Variants in COL5A3 observed in about 807,000 individuals in gnomAD.
COL5A3 encodes the protein collagen type V alpha 3 chain.
Under a neutral mutation model 250.0 loss-of-function variants are expected in COL5A3, and 172 were observed. The observed-to-expected ratio is 0.69, with a 90% CI of 0.61 to 0.78. COL5A3 has a LOEUF of 0.78. Among genes scored for constraint, COL5A3 ranks in the 30% least tolerant of loss-of-function variants. COL5A3 has a pLI of 0.00. For missense variants in COL5A3, 2,340 were observed against 2,334.4 expected, an observed-to-expected ratio of 1.00 and a Z score of -0.05; for synonymous variants, 937 against 900.4, an observed-to-expected ratio of 1.04 and a Z score of -0.73.
Position 10,009,662 on chromosome 19 carries a change from TG to T in COL5A3, c.88+635del, listed in dbSNP as rs1407978475. 1.7e-4 allele frequency among the ~76,000 whole-genome samples: 26 copies of T among 151,854 alleles called. No homozygotes were observed. Among genetic ancestry groups the T allele is most frequent in the African/African-American group, 6.1e-4 (25 of 41,296 alleles). On this transcript the variant is annotated intron_variant, in intron 1 of 66. Transcript: ENST00000264828. The surrounding 1 kb of genome is among the most constrained non-coding windows in gnomAD (Gnocchi z 4.4). ...GGGAGGAGATGGGCGCTCGCCAATT[TG>T]GGGCAGAGGAGGAAAAGGGAGAATG... is the stretch of plus-strand genomic sequence containing the variant.
At chr19:9,995,950 A>G in intron 15 of COL5A3, 116 bp downstream of exon 15, 1 of 1,047,126 alleles carries the variant, frequency 9.5e-7, no homozygotes, top group Non-Finnish European at 1.4e-6. Context: ...TAGGAAAGTC[A>G]TCAATTGCAA....
chr19:10,000,257 C>A (rs1402117358), intron 8 of COL5A3, among the ~76,000 whole-genome samples: 2 of 152,020 alleles, frequency 1.3e-5, no homozygotes, highest in East Asian at 3.9e-4. Flanking sequence ...ATCAAGCCAC[C>A]GAGCTTGGGT....
chr19:9,992,986 GCA>G, intron 20 of COL5A3, 35 bp downstream of exon 20: 3 of 1,611,468 alleles, frequency 1.9e-6, no homozygotes, highest in Non-Finnish European at 2.5e-6. Flanking sequence ...TCCCTCCCCT[GCA>G]CCAAGCAAGG....
chr19:9,987,875 C>A (rs966834543), intron 27 of COL5A3, among the ~76,000 whole-genome samples: 1 of 151,846 alleles, frequency 6.6e-6, no homozygotes, highest in Non-Finnish European at 1.5e-5. Context: ...TTCAAGGCTG[C>A]AGTGAGCCAT....
intron 8 of COL5A3, among the ~76,000 whole-genome samples, chr19:9,999,138 TCCTTCCTTCC>T (rs1362355021): frequency 2.9e-5 from 2 of 69,584 alleles, no homozygotes; most frequent in East Asian, 9.2e-4. Context: ...CTCTCTTTTT[TCCTTCCTTCC>T]TTCCTTCCTT....
At position 10,009,161 on chromosome 19, in the gene COL5A3, G is replaced by GGTTGTGTGT. The variant is rs570427193; in HGVS notation, c.88+1136_88+1137insACACACAAC. Among the ~76,000 whole-genome samples, 32 of 140,434 alleles carry GGTTGTGTGT rather than the reference G, an allele frequency of 2.3e-4. No individual in the cohort carries two copies. The highest frequency in any genetic ancestry group is 1.7e-3 in the South Asian group (7 of 4,198). 92.1% of individuals were successfully genotyped at this position (140,434 alleles called of 152,430 possible). On this transcript the variant is annotated intron_variant, in intron 1 of 66. Coordinates refer to ENST00000264828, the MANE Select transcript of COL5A3 (RefSeq NM_015719.4). This position sits in a 1 kb window ranked among gnomAD's most constrained non-coding sequence, Gnocchi z 4.4. Reference sequence around the variant, plus strand: ...GACTCCAAAGTAAGAAGTGTGCTGTGGTGTGTGTGTGTGTGTGTGTGTGTG... The same window carrying GGTTGTGTGT: ...GACTCCAAAGTAAGAAGTGTGCTGTGGTTGTGTGTGTGTGTGTGTGTGTGTGTGTGTGTG...
intron 45 of COL5A3, among the ~76,000 whole-genome samples, 171 bp downstream of exon 45, chr19:9,976,387 T>TTGGGATTGACTCCGATTC (rs148599933): frequency 0.024 from 3,716 of 151,950 alleles, 119 homozygotes; most frequent in East Asian, 0.13. Flanking sequence ...CATGGTTGGG[T>TTGGGATTGACTCCGATTC]TGGGATTGAC....
intron 8 of COL5A3, 104 bp from the exon 9 acceptor site, chr19:9,998,253 C>T (rs3745596): frequency 0.34 from 380,774 of 1,127,482 alleles, 66,515 homozygotes; most frequent in Non-Finnish European, 0.37. Context: ...CACACACACA[C>T]ACACGGAGTC....
intron 24 of COL5A3, 60 bp downstream of exon 24, chr19:9,991,550 G>C: frequency 2.8e-6 from 4 of 1,424,780 alleles, no homozygotes; most frequent in Non-Finnish European, 1.9e-6. Flanking sequence ...AGATTTTCCT[G>C]GCAACAGAGT....
Position 9,960,438 on chromosome 19 carries a change from T to C in COL5A3, c.5211A>G (p.Glu1737=). 6.2e-7 allele frequency: 1 copy of C among 1,614,194 alleles called. No individual in the cohort carries two copies. The highest frequency in any genetic ancestry group is 1.1e-5 in the South Asian group (1 of 91,084). ...AGCTGCTGAAGCAGACGGGGCCCAG[T>C]TCAAACCCAAACTTTTGGTTCGTCT... ...FGQTNQKFGF[E]LGPVCFSS Residue 1737 remains glutamate (E), a synonymous_variant, in exon 67 of 67, where the codon GAA becomes GAG. Coordinates refer to ENST00000264828, the MANE Select transcript of COL5A3 (RefSeq NM_015719.4).
intron 27 of COL5A3, among the ~76,000 whole-genome samples, chr19:9,988,863 GT>G (rs1389204195): frequency 2.3e-4 from 24 of 102,276 alleles, no homozygotes; most frequent in Admixed American, 4.9e-4. Flanking sequence ...AAAAAAGAAA[GT>G]AAAGAAAAGA....
At chr19:9,998,219 A>G in intron 8 of COL5A3, 70 bp from the exon 9 acceptor site, 1 of 1,422,144 alleles carries the variant, frequency 7.0e-7, no homozygotes, top group African/African-American at 1.5e-5. Flanking sequence ...CAGTTATCTG[A>G]TCACACACAC....
intron 44 of COL5A3, among the ~76,000 whole-genome samples, 186 bp downstream of exon 44, chr19:9,977,043 G>C (rs2086931836): frequency 1.3e-5 from 2 of 152,048 alleles, no homozygotes; most frequent in South Asian, 4.1e-4. Flanking sequence ...CTGCAGTTGG[G>C]TTCTGTGGAC....
In COL5A3 at chr19:9,979,234, C is replaced by T. The variant is rs1555736659; in HGVS notation, c.2772G>A (p.Lys924=). The change falls in exon 39 of 67, where the codon AAG becomes AAA. Residue 924 remains lysine, a synonymous_variant. Transcript: ENST00000264828. The part of the protein sequence containing the change: ...GPAGVLGPQG[K]TGEVGPLGER... ...CACCTAGAGGTCCCACTTCTCCTGT[C>T]TTTCCCTGGTGAGGAAGAAGGCTCC... 1.9e-6 allele frequency: 3 copies of T among 1,608,206 alleles called. No individual in the cohort carries two copies. In the East Asian group the frequency reaches 6.7e-5, roughly 36 times the overall value.
At chr19:9,978,828 C>T (rs918356778) in intron 40 of COL5A3, 63 bp downstream of exon 40, 37 of 1,193,734 alleles carry the variant, frequency 3.1e-5, no homozygotes, top group Middle Eastern at 2.1e-4. Context: ...CCCATCCCTC[C>T]CCTGACCCCC....
At position 9,960,178 on chromosome 19, in the gene COL5A3, C is replaced by T. The variant is rs1170909459; in HGVS notation, c.*233G>A. ...GGTGGGGAGGGAGGGGAGAAAGAGC[C>T]AGACTGCAGTATGCCACCTGGAATG... On this transcript the variant is annotated 3_prime_UTR_variant, in exon 67 of 67. Coordinates refer to ENST00000264828, the MANE Select transcript of COL5A3 (RefSeq NM_015719.4). 3.5e-6 allele frequency: 2 copies of T among 574,678 alleles called. No individual in the cohort carries two copies. The highest frequency in any genetic ancestry group is 1.9e-5 in the African/African-American group (1 of 53,284). The allele number at this position is 574,678 out of a possible 1,614,324, so 35.6% of individuals were successfully genotyped here.
At chr19:10,007,919 T>TTCTC (rs141005538) in intron 1 of COL5A3, among the ~76,000 whole-genome samples, 1 of 149,728 alleles carries the variant, frequency 6.7e-6, no homozygotes, top group Non-Finnish European at 1.5e-5. Context: ...CCAAGTCTCT[T>TTCTC]TCTCTCTCTC....
intron 8 of COL5A3, among the ~76,000 whole-genome samples, chr19:9,999,230 G>T: frequency 7.2e-6 from 1 of 138,994 alleles, no homozygotes; most frequent in Non-Finnish European, 1.5e-5. Flanking sequence ...TCACTCTATT[G>T]CCCAGGCTAG....
chr19:9,967,494 CT>C, intron 61 of COL5A3, 94 bp from the exon 62 acceptor site: 1 of 825,338 alleles, frequency 1.2e-6, no homozygotes, highest in Non-Finnish European at 1.9e-6. Flanking sequence ...CACACACACA[CT>C]CACACACACA....
Sources: gnomAD v4.1 joint callset for allele counts (sites outside exome capture counted in the v4.1 genomes callset) on GRCh38, gnomAD v4.1.1 for gene constraint, Gnocchi (gnomAD v3.1) non-coding constraint, MANE v1.5 for transcripts, NCBI Gene and HGNC (gene_info 2026-07-23, HGNC 2026-07-21) for gene names.